CELF4: variants seen among roughly 807,000 people sequenced by gnomAD.
CELF4 encodes CUGBP Elav-like family member 4.
In CELF4, 18 loss-of-function variants were observed where a neutral mutation model predicts 59.9. The observed-to-expected ratio is 0.30, with a 90% CI of 0.21 to 0.45. CELF4 has a LOEUF of 0.45. CELF4 is among the 20% of genes least tolerant of loss of function. The pLI is 1.00. For missense variants in CELF4, 456 were observed against 689.0 expected (o/e 0.66, Z 3.79); for synonymous variants, 261 against 267.1 (o/e 0.98, Z 0.22).
intron 2 of CELF4, among the ~76,000 whole-genome samples, chr18:37,380,087 T>C (rs1198830491): frequency 6.6e-6 from 1 of 152,150 alleles, no homozygotes; most frequent in Non-Finnish European, 1.5e-5. Context: ...TCCCGTCCAG[T>C]TGTCCTGTAT....
rs188499692 is a variant in CELF4 at position 37,499,945 on chromosome 18, C to T, written c.287-14338G>A. Among the ~76,000 whole-genome samples, 44 of 152,254 alleles carry T rather than the reference C, an allele frequency of 2.9e-4. No individual in the cohort carries two copies. The South Asian group carries it at 5.0e-3, about 17-fold the overall frequency. On this transcript the variant is annotated intron_variant, in intron 1 of 12. Coordinates refer to ENST00000420428, the MANE Select transcript of CELF4 (RefSeq NM_020180.4). Reference sequence around the variant, plus strand: ...CTTTTACACACCAGGGAAAGGAGCACGAGTCAATCATCCCGAGAACACACA... The same window carrying T: ...CTTTTACACACCAGGGAAAGGAGCATGAGTCAATCATCCCGAGAACACACA...
intron 1 of CELF4, among the ~76,000 whole-genome samples, chr18:37,506,822 GA>G (rs1442786556): frequency 2.0e-5 from 3 of 152,214 alleles, no homozygotes; most frequent in Non-Finnish European, 4.4e-5. Flanking sequence ...TTCTAACTTT[GA>G]AAAGTTTGTT....
intron 1 of CELF4, among the ~76,000 whole-genome samples, chr18:37,547,134 T>C (rs1033180167): frequency 4.0e-5 from 6 of 149,438 alleles, no homozygotes; most frequent in African/African-American, 1.5e-4. Context: ...ATTAACCCTT[T>C]GCTTAGTGTA....
At chr18:37,399,740 G>A (rs553819378) in intron 2 of CELF4, among the ~76,000 whole-genome samples, 79 of 152,336 alleles carry the variant, frequency 5.2e-4, no homozygotes, top group Non-Finnish European at 9.0e-4. Context: ...GTTGGTTCAC[G>A]TGGCAGGTGA....
chr18:37,312,138 A>G (rs1036634058), intron 3 of CELF4, among the ~76,000 whole-genome samples: 1 of 151,092 alleles, frequency 6.6e-6, no homozygotes, highest in African/African-American at 2.4e-5. Flanking sequence ...AAAGAAAAAA[A>G]AAAAAAGAAG....
At chr18:37,405,318 C>G (rs1423048584) in intron 2 of CELF4, among the ~76,000 whole-genome samples, 3 of 152,252 alleles carry the variant, frequency 2.0e-5, no homozygotes, top group African/African-American at 7.2e-5. Context: ...ACATCTCCCC[C>G]ACCCTCCTGC....
At chr18:37,506,822 G>T (rs1163080191) in intron 1 of CELF4, among the ~76,000 whole-genome samples, 1 of 152,214 alleles carries the variant, frequency 6.6e-6, no homozygotes, top group Non-Finnish European at 1.5e-5. Context: ...TTCTAACTTT[G>T]AAAAGTTTGT....
At chr18:37,478,521 G>A (rs2099856980) in intron 2 of CELF4, among the ~76,000 whole-genome samples, 1 of 152,194 alleles carries the variant, frequency 6.6e-6, no homozygotes, top group Non-Finnish European at 1.5e-5. Context: ...AGAGTCACTT[G>A]CTTGAAAAAT....
chr18:37,449,062 A>ATGACT (rs1193052734), intron 2 of CELF4, among the ~76,000 whole-genome samples: 2 of 152,192 alleles, frequency 1.3e-5, no homozygotes, highest in Non-Finnish European at 2.9e-5. Flanking sequence ...GGGAGATGAA[A>ATGACT]TGACTTGCTG....
intron 3 of CELF4, among the ~76,000 whole-genome samples, chr18:37,297,315 G>A (rs1388475310): frequency 6.6e-6 from 1 of 152,120 alleles, no homozygotes; most frequent in Non-Finnish European, 1.5e-5. Flanking sequence ...ATCTCTTTGG[G>A]GTAAGCATTG....
chr18:37,496,244 A>C (rs535992472), intron 1 of CELF4, among the ~76,000 whole-genome samples: 1 of 152,138 alleles, frequency 6.6e-6, no homozygotes, highest in Admixed American at 6.5e-5. Context: ...TGCTGTTCTC[A>C]TCTGTGAGAA....
chr18:37,328,338 C>T (rs928851558), intron 2 of CELF4, among the ~76,000 whole-genome samples: 1 of 152,174 alleles, frequency 6.6e-6, no homozygotes, highest in Non-Finnish European at 1.5e-5. Context: ...CCGCAGGGAG[C>T]TGGGGAGAGG....
chr18:37,561,065 G>A (rs1381610623), intron 1 of CELF4, among the ~76,000 whole-genome samples: 2 of 152,174 alleles, frequency 1.3e-5, no homozygotes, highest in East Asian at 1.9e-4. Flanking sequence ...ATTTTAAAAT[G>A]ATACACTCTC....
chr18:37,386,441 G>GCCAGCTTGAGGGAGAA (rs933960648), intron 2 of CELF4, among the ~76,000 whole-genome samples: 6 of 152,150 alleles, frequency 3.9e-5, no homozygotes, highest in African/African-American at 1.2e-4. Context: ...GTGTGGAGAG[G>GCCAGCTTGAGGGAGAA]CCAGCTTGAG....
At chr18:37,304,847 G>C (rs991278947) in intron 3 of CELF4, among the ~76,000 whole-genome samples, 3 of 152,234 alleles carry the variant, frequency 2.0e-5, no homozygotes, top group African/African-American at 7.2e-5. Flanking sequence ...CAAAAGGGAG[G>C]CTGTCCACAA....
At chr18:37,281,638 C>T (rs1174932034) in intron 3 of CELF4, among the ~76,000 whole-genome samples, 1 of 152,148 alleles carries the variant, frequency 6.6e-6, no homozygotes, top group African/African-American at 2.4e-5. Context: ...AGAGAAAATG[C>T]CAGATATTCA....
chr18:37,388,980 T>C (rs946052710), intron 2 of CELF4, among the ~76,000 whole-genome samples: 1 of 152,024 alleles, frequency 6.6e-6, no homozygotes, highest in Admixed American at 6.5e-5. Flanking sequence ...CAGTGAAGGC[T>C]CTCGGAGGCA....
At chr18:37,251,593 T>C (rs538734187) in intron 12 of CELF4, among the ~76,000 whole-genome samples, 4 of 152,240 alleles carry the variant, frequency 2.6e-5, no homozygotes, top group Admixed American at 2.6e-4. Flanking sequence ...GTCTCATTAA[T>C]GAGAAAAAAG....
At chr18:37,480,530 C>T (rs1207862596) in intron 2 of CELF4, among the ~76,000 whole-genome samples, 3 of 152,202 alleles carry the variant, frequency 2.0e-5, no homozygotes, top group African/African-American at 7.2e-5. Flanking sequence ...ATAATTTATT[C>T]ATCTTGTTCT....
Sources: allele counts gnomAD v4.1 joint callset (sites outside exome capture counted in the v4.1 genomes callset), GRCh38; gene constraint gnomAD v4.1.1; transcripts MANE v1.5; gene names NCBI Gene and HGNC (gene_info 2026-07-23, HGNC 2026-07-21).